Variants in ZCCHC7 observed in about 807,000 individuals in gnomAD.
The protein encoded by ZCCHC7 is zinc finger CCHC-type containing 7, also known as zinc finger CCHC domain-containing protein 7.
A neutral mutation model predicts 52.0 loss-of-function variants in ZCCHC7; 35 were observed. The observed-to-expected ratio is 0.67, with a 90% confidence interval of 0.51 to 0.89. The LOEUF (loss-of-function observed/expected upper bound fraction) is 0.89, where lower values mean the gene tolerates loss of function less well. Among genes scored for constraint, ZCCHC7 ranks in the 40% least tolerant of loss-of-function variants. The pLI, the probability that ZCCHC7 is intolerant of heterozygous loss-of-function variation, is 0.00. For missense variants in ZCCHC7, 574 were observed against 649.1 expected, an observed-to-expected ratio of 0.88 and a Z score of 1.26; for synonymous variants, 217 against 221.5, an observed-to-expected ratio of 0.98 and a Z score of 0.18.
In ZCCHC7 at chr9:37,357,421, C is replaced by G; in HGVS notation, c.*153C>G. ...GCCATTCCTAGAGTTACTGAATATC[C>G]ATGGAGATCTCAATTCTCTGTGTCC... On this transcript the variant is annotated 3_prime_UTR_variant, in exon 9 of 9. Transcript: ENST00000336755. 1 of 618,364 alleles carries G rather than the reference C, an allele frequency of 1.6e-6. No individual in the cohort carries two copies. The highest frequency in any genetic ancestry group is 3.2e-5 in the South Asian group (1 of 31,482). The allele number at this position is 618,364 out of a possible 1,614,324, so 38.3% of individuals were successfully genotyped here.
intron 6 of ZCCHC7, among the ~76,000 whole-genome samples, chr9:37,332,704 A>T (rs1303765287): frequency 6.6e-6 from 1 of 151,520 alleles, no homozygotes; most frequent in Non-Finnish European, 1.5e-5. Flanking sequence ...TTCAAAGCAA[A>T]TGAAACCTGG....
chr9:37,163,736 A>C (rs973755444), intron 2 of ZCCHC7, among the ~76,000 whole-genome samples: 19 of 152,210 alleles, frequency 1.2e-4, no homozygotes, highest in African/African-American at 4.1e-4. Flanking sequence ...TTGGGGTTGA[A>C]TCTCAAAAAT....
chr9:37,140,942 C>T (rs1332087651), intron 2 of ZCCHC7, among the ~76,000 whole-genome samples: 1 of 151,920 alleles, frequency 6.6e-6, no homozygotes, highest in Non-Finnish European at 1.5e-5. Context: ...TTTTCTTCCT[C>T]TTCTTTTAGA....
chr9:37,321,011 T>TAC, intron 5 of ZCCHC7, among the ~76,000 whole-genome samples: 3 of 136,674 alleles, frequency 2.2e-5, no homozygotes, highest in South Asian at 2.4e-4. Flanking sequence ...TTTTTTGAGA[T>TAC]GGAATCTCAC....
At chr9:37,293,626 C>T (rs1472685101) in intron 2 of ZCCHC7, among the ~76,000 whole-genome samples, 1 of 152,118 alleles carries the variant, frequency 6.6e-6, no homozygotes, top group Admixed American at 6.5e-5. Flanking sequence ...GAAGAAAAAA[C>T]AACTTCCATA....
intron 2 of ZCCHC7, among the ~76,000 whole-genome samples, chr9:37,234,558 A>G (rs1053417265): frequency 4.6e-5 from 7 of 152,206 alleles, no homozygotes; most frequent in Admixed American, 3.9e-4. Context: ...TAGGGTGGTT[A>G]ACCATCCCTT....
At chr9:37,275,389 C>CG (rs1184985740) in intron 2 of ZCCHC7, among the ~76,000 whole-genome samples, 22 of 146,570 alleles carry the variant, frequency 1.5e-4, no homozygotes, top group African/African-American at 5.4e-4. Flanking sequence ...ATACATCAGG[C>CG]TTCCTTAATA....
chr9:37,304,617 T>C (rs1829213770), intron 4 of ZCCHC7, among the ~76,000 whole-genome samples: 1 of 151,456 alleles, frequency 6.6e-6, no homozygotes. Context: ...GATCACACCA[T>C]TGCACTCCAG....
At chr9:37,174,701 G>A (rs1821922911) in intron 2 of ZCCHC7, among the ~76,000 whole-genome samples, 1 of 152,146 alleles carries the variant, frequency 6.6e-6, no homozygotes, top group Non-Finnish European at 1.5e-5. Context: ...AGGAGGGAGA[G>A]GGAATATTCT....
chr9:37,181,590 C>T (rs1268297516), intron 2 of ZCCHC7, among the ~76,000 whole-genome samples: 1 of 152,132 alleles, frequency 6.6e-6, no homozygotes, highest in East Asian at 1.9e-4. Context: ...GCTTTGAAAA[C>T]ACGTTAGTGA....
At chr9:37,197,085 CTA>C (rs1823328148) in intron 2 of ZCCHC7, among the ~76,000 whole-genome samples, 1 of 152,132 alleles carries the variant, frequency 6.6e-6, no homozygotes, top group African/African-American at 2.4e-5. Context: ...GAAAAGGTCA[CTA>C]TGTTTTATTT....
At chr9:37,161,441 G>A (rs2132904136) in intron 2 of ZCCHC7, among the ~76,000 whole-genome samples, 1 of 152,132 alleles carries the variant, frequency 6.6e-6, no homozygotes, top group Non-Finnish European at 1.5e-5. Context: ...CAGACATGGT[G>A]GCAGCCTCCT....
At chr9:37,165,113 G>A (rs1022722796) in intron 2 of ZCCHC7, among the ~76,000 whole-genome samples, 11 of 152,112 alleles carry the variant, frequency 7.2e-5, no homozygotes, top group African/African-American at 2.7e-4. Flanking sequence ...TGATGCTATT[G>A]TGAAATGATA....
At chr9:37,300,134 A>G (rs1242019729) in intron 2 of ZCCHC7, among the ~76,000 whole-genome samples, 4 of 152,218 alleles carry the variant, frequency 2.6e-5, no homozygotes, top group African/African-American at 9.6e-5. Flanking sequence ...TGTTAAAACA[A>G]TCTGAATAGA....
chr9:37,177,974 T>C (rs1049266385), intron 2 of ZCCHC7, among the ~76,000 whole-genome samples: 29 of 152,164 alleles, frequency 1.9e-4, no homozygotes, highest in African/African-American at 7.0e-4. Context: ...TGAGCTTCAG[T>C]TAATAAGGTA....
chr9:37,285,057 AG>A (rs1321907029), intron 2 of ZCCHC7, among the ~76,000 whole-genome samples: 1 of 152,028 alleles, frequency 6.6e-6, no homozygotes, highest in African/African-American at 2.4e-5. Flanking sequence ...AGGAGATTGG[AG>A]GGGAGCGTTT....
At chr9:37,250,878 TA>T (rs2133393784) in intron 2 of ZCCHC7, among the ~76,000 whole-genome samples, 1 of 152,342 alleles carries the variant, frequency 6.6e-6, no homozygotes, top group African/African-American at 2.4e-5. Context: ...ATGGTTTTAT[TA>T]AAGGTGGTAA....
intron 2 of ZCCHC7, among the ~76,000 whole-genome samples, chr9:37,256,724 T>C (rs1588561180): frequency 6.6e-6 from 1 of 151,626 alleles, no homozygotes; most frequent in East Asian, 1.9e-4. Flanking sequence ...AAATTATGCA[T>C]GAGTGAAAAT....
At chr9:37,196,183 C>T (rs1823276027) in intron 2 of ZCCHC7, among the ~76,000 whole-genome samples, 1 of 152,138 alleles carries the variant, frequency 6.6e-6, no homozygotes, top group Admixed American at 6.5e-5. Context: ...GATTTTGACA[C>T]ACTCAAACCT....
Sources: allele counts gnomAD v4.1 joint callset (sites outside exome capture counted in the v4.1 genomes callset), GRCh38; gene constraint gnomAD v4.1.1; transcripts MANE v1.5; gene names NCBI Gene and HGNC (gene_info 2026-07-23, HGNC 2026-07-21).